Variants in CLEC7A observed in about 807,000 individuals in gnomAD.
CLEC7A encodes C-type lectin domain family 7 member A.
CLEC7A carries 25 observed loss-of-function variants against 26.9 expected under a neutral mutation model. That is an observed-to-expected ratio of 0.93 (90% CI 0.68 to 1.30). The LOEUF (loss-of-function observed/expected upper bound fraction) is 1.30. Among genes scored for constraint, CLEC7A ranks in the 50% most tolerant of loss-of-function variants. The pLI, the probability that CLEC7A is intolerant of heterozygous loss-of-function variation, is 0.00. For synonymous variants in CLEC7A, 100 were observed against 99.5 expected (o/e 1.01, Z -0.03); for missense variants, 275 against 286.7 (o/e 0.96, Z 0.29).
chr12:10,123,740 C>A (rs972484308), intron 4 of CLEC7A, among the ~76,000 whole-genome samples: 1 of 125,512 alleles, frequency 8.0e-6, no homozygotes, highest in Non-Finnish European at 1.6e-5. Flanking sequence ...CGCAGTCCGG[C>A]CTGGGCGACA....
chr12:10,127,248 T>C, intron 2 of CLEC7A: 1 of 1,375,674 alleles, frequency 7.3e-7, no homozygotes. Context: ...CTCAGGAAAT[T>C]TCTGGTGTAT....
chr12:10,127,361 A>G, intron 2 of CLEC7A: 2 of 1,586,110 alleles, frequency 1.3e-6, no homozygotes, highest in Non-Finnish European at 1.7e-6. Context: ...TTAGGAAGAC[A>G]GCACCATATT....
At chr12:10,123,114 A>G in intron 5 of CLEC7A, 131 bp downstream of exon 5, 1 of 629,478 alleles carries the variant, frequency 1.6e-6, no homozygotes, top group East Asian at 2.7e-5. Context: ...CTCTTCTTCT[A>G]TATCTTTCTC....
At chr12:10,126,164 C>G in intron 3 of CLEC7A, 1 of 984,024 alleles carries the variant, frequency 1.0e-6, no homozygotes, top group Non-Finnish European at 1.2e-6. Flanking sequence ...CCCTTCTTTC[C>G]TTTCTCCCTG....
At chr12:10,128,075 G>GAA (rs34193393) in intron 1 of CLEC7A, among the ~76,000 whole-genome samples, 5 of 149,406 alleles carry the variant, frequency 3.3e-5, no homozygotes, top group African/African-American at 1.2e-4. Flanking sequence ...AACAAAGAAA[G>GAA]AAAAAAAATT....
intron 4 of CLEC7A, 59 bp downstream of exon 4, chr12:10,125,238 C>T (rs774858994): frequency 7.0e-7 from 1 of 1,429,902 alleles, no homozygotes; most frequent in Admixed American, 1.9e-5. Context: ...CCTGGAATCT[C>T]CCTCTATCTT....
Position 10,117,530 on chromosome 12 carries a change from C to CAAAAAAAA in CLEC7A, c.*920_*927dup, listed in dbSNP as rs138543476. ...GGGCAACAAGAGCGAAACTCTGTCT[C>CAAAAAAAA]AAAAAAAAAAAAAAAAAAAAAGATT... is the stretch of plus-strand genomic sequence containing the variant. On this transcript the variant is annotated 3_prime_UTR_variant, in exon 6 of 6. Transcript: ENST00000304084. 4 of 57,016 alleles carry CAAAAAAAA rather than the reference C, an allele frequency of 7.0e-5. No homozygotes were observed. Among genetic ancestry groups the CAAAAAAAA allele is most frequent in the Admixed American group, 2.0e-4 (1 of 5,122 alleles). 3.5% of individuals were successfully genotyped at this position (57,016 alleles called of 1,614,324 possible). A position where few individuals can be genotyped will look rare whatever the true frequency, so the allele number is the denominator to read the frequency against.
intron 5 of CLEC7A, among the ~76,000 whole-genome samples, chr12:10,122,598 A>C (rs1948130070): frequency 6.7e-6 from 1 of 149,472 alleles, no homozygotes; most frequent in South Asian, 2.1e-4. Flanking sequence ...TCCCAGGTCC[A>C]AGCAATTCTC....
chr12:10,129,864 C>T (rs952701479), intron 1 of CLEC7A, 116 bp downstream of exon 1: 70 of 567,618 alleles, frequency 1.2e-4, no homozygotes, highest in Non-Finnish European at 1.9e-4. Flanking sequence ...TCAATCCACC[C>T]GCCTCGGCCT....
chr12:10,121,520 T>C (rs1295133581), intron 5 of CLEC7A, among the ~76,000 whole-genome samples: 1 of 152,202 alleles, frequency 6.6e-6, no homozygotes, highest in Non-Finnish European at 1.5e-5. Context: ...TGTTCTCTGA[T>C]CACAGTGGAA....
intron 5 of CLEC7A, among the ~76,000 whole-genome samples, chr12:10,120,773 A>G (rs1948060187): frequency 6.9e-6 from 1 of 145,134 alleles, no homozygotes; most frequent in Non-Finnish European, 1.5e-5. Context: ...TTTTTTTTTT[A>G]ATACTGAGTC....
chr12:10,127,978 A>AG, intron 1 of CLEC7A, 133 bp from the exon 2 acceptor site: 1 of 630,910 alleles, frequency 1.6e-6, no homozygotes. Context: ...AGGGAGACTG[A>AG]GGTAGGAGGA....
chr12:10,128,756 G>A (rs990327149), intron 1 of CLEC7A, among the ~76,000 whole-genome samples: 2 of 152,138 alleles, frequency 1.3e-5, no homozygotes, highest in African/African-American at 4.8e-5. Context: ...ATAAACATGC[G>A]CATGTCTCCC....
intron 4 of CLEC7A, 146 bp from the exon 5 acceptor site, chr12:10,123,509 C>A (rs889758034): frequency 3.3e-6 from 2 of 603,656 alleles, no homozygotes; most frequent in Non-Finnish European, 5.8e-6. Flanking sequence ...CGCCTGTAAT[C>A]CCAGCACTTT....
At chr12:10,123,430 G>A (rs1189091565) in intron 4 of CLEC7A, 67 bp from the exon 5 acceptor site, 2 of 1,006,560 alleles carry the variant, frequency 2.0e-6, no homozygotes, top group African/African-American at 3.3e-5. Context: ...CTATTATCAT[G>A]GACGCTGAGA....
At chr12:10,118,702 CTAT>C in intron 5 of CLEC7A, 112 bp from the exon 6 acceptor site, 1 of 875,928 alleles carries the variant, frequency 1.1e-6, no homozygotes, top group South Asian at 2.2e-5. Flanking sequence ...TGAAGTGTTT[CTAT>C]TATTGGAAAA....
chr12:10,126,434 G>T (rs1948286098), intron 3 of CLEC7A, 137 bp downstream of exon 3: 22 of 1,429,290 alleles, frequency 1.5e-5, no homozygotes, highest in Non-Finnish European at 2.0e-5. Flanking sequence ...TTACACTAAG[G>T]TAATACTAAT....
In CLEC7A at chr12:10,129,997, G is replaced by T; in HGVS notation, c.86C>A (p.Ala29Asp). ...HFDSQSNTRI[A>D]VVSEKGSCAA... ...ATATATACCTTTCTCTGAAACAACAGCTATCCTGGTATTGCTTTGAGAGTC... is the reference window on the plus strand; with the variant it reads ...ATATATACCTTTCTCTGAAACAACATCTATCCTGGTATTGCTTTGAGAGTC... The change falls in exon 1 of 6, where the codon GCT (alanine) becomes GAT (aspartate). Residue 29 changes from alanine to aspartate, a missense_variant. Physicochemically the swap from Ala to Asp is moderately radical, Grantham distance 126. Transcript: ENST00000304084. 6.2e-7 allele frequency: 1 copy of T among 1,601,752 alleles called. No homozygotes were observed. Among genetic ancestry groups the T allele is most frequent in the Non-Finnish European group, 8.6e-7 (1 of 1,168,828 alleles).
intron 2 of CLEC7A, chr12:10,127,107 C>T (rs1397996843): frequency 7.8e-7 from 1 of 1,278,924 alleles, no homozygotes; most frequent in South Asian, 1.3e-5. Context: ...ATAGAACGCA[C>T]TCAATAAACA....
Sources: allele counts gnomAD v4.1 joint callset (sites outside exome capture counted in the v4.1 genomes callset), GRCh38; gene constraint gnomAD v4.1.1; transcripts MANE v1.5; gene names NCBI Gene and HGNC (gene_info 2026-07-23, HGNC 2026-07-21).